Variants in TANC1 observed in about 807,000 individuals in gnomAD.
TANC1 encodes the protein tetratricopeptide repeat, ankyrin repeat and coiled-coil containing 1, also known as protein TANC1.
TANC1 carries 77 observed loss-of-function variants against 149.7 expected under a neutral mutation model. That is an observed-to-expected ratio of 0.51 (90% CI 0.43 to 0.62). The LOEUF is 0.62. Ranked by LOEUF, TANC1 falls within the 20% of genes least tolerant of loss-of-function variation. TANC1 has a pLI of 0.00. For missense variants in TANC1, 1,985 were observed against 2,321.8 expected (o/e 0.85, Z 2.98); for synonymous variants, 854 against 925.0 (o/e 0.92, Z 1.39).
intron 12 of TANC1, among the ~76,000 whole-genome samples, chr2:159,175,968 T>A (rs2055811747): frequency 6.6e-6 from 1 of 152,156 alleles, no homozygotes; most frequent in African/African-American, 2.4e-5. Context: ...CAGTTTCCCT[T>A]CCCTGGAATC....
In TANC1 at chr2:159,115,636, G is replaced by A. The variant is rs551661692; in HGVS notation, c.259+17802G>A. ...TGCCCCAGACTCTGCCCAACGGTCC[G>A]GAGAGCTGAGAGAATCCATATCCTG... On this transcript the variant is annotated intron_variant, in intron 4 of 26. Coordinates refer to ENST00000263635, the MANE Select transcript of TANC1 (RefSeq NM_033394.3). Among the ~76,000 whole-genome samples the A allele has an allele frequency of 4.1e-4, 62 of 152,206 alleles. 2 individuals carry two copies. The South Asian group carries it at 7.3e-3, about 18-fold the overall frequency.
Position 159,230,903 on chromosome 2 carries a change from T to G in TANC1, c.5477T>G (p.Leu1826Arg). The change falls in exon 27 of 27, where the codon CTG (leucine) becomes CGG (arginine). Residue 1826 changes from leucine to arginine, a missense_variant. Leu to Arg is a moderately radical substitution (Grantham distance 102, BLOSUM62 -2). This residue lies in a region of TANC1 where 920 missense variants were observed against 994.7 expected (regional missense o/e 0.92). Transcript: ENST00000263635. The surrounding 1 kb of genome is among the most constrained non-coding windows in gnomAD (Gnocchi z 4.4). ...ENRITKTVSHLYQESISKQQP... is the reference protein window; with the variant it reads ...ENRITKTVSHRYQESISKQQP... ...AGGATAACTAAGACTGTTTCTCATCTGTACCAGGAAAGTATCTCCAAACAG... is the reference window on the plus strand; with the variant it reads ...AGGATAACTAAGACTGTTTCTCATCGGTACCAGGAAAGTATCTCCAAACAG... 7 of 1,614,236 alleles carry G rather than the reference T, an allele frequency of 4.3e-6. No homozygotes were observed. The highest frequency in any genetic ancestry group is 5.9e-6 in the Non-Finnish European group (7 of 1,180,046).
At chr2:159,147,567 C>A (rs968851730) in intron 5 of TANC1, 4 of 152,424 alleles carry the variant, frequency 2.6e-5, no homozygotes, top group Admixed American at 2.0e-4. Flanking sequence ...TAGGAAGGGA[C>A]CTCCTGTAGA....
chr2:159,061,919 G>A (rs2042262466), intron 2 of TANC1, among the ~76,000 whole-genome samples: 1 of 152,160 alleles, frequency 6.6e-6, no homozygotes, highest in Non-Finnish European at 1.5e-5. Context: ...GTCAGTATTT[G>A]AGTTATACCT....
At chr2:159,061,144 A>T (rs899463258) in intron 2 of TANC1, among the ~76,000 whole-genome samples, 11 of 152,228 alleles carry the variant, frequency 7.2e-5, no homozygotes, top group African/African-American at 2.4e-4. Context: ...CTCTCAGAGT[A>T]ATGTTACCTA....
rs116199000 is a variant in TANC1 at position 159,144,985 on chromosome 2, C to T, written c.365-4157C>T. Reference sequence around the variant, plus strand: ...CACATGATAGTGAACTGACGAATGTCGTCAGCAATACTCAGTGTTCTTTAG... The same window carrying T: ...CACATGATAGTGAACTGACGAATGTTGTCAGCAATACTCAGTGTTCTTTAG... On this transcript the variant is annotated intron_variant, in intron 5 of 26. Transcript: ENST00000263635. Among the ~76,000 whole-genome samples the T allele has an allele frequency of 6.0e-3, 914 of 152,258 alleles. 5 individuals carry two copies. Among genetic ancestry groups the T allele is most frequent in the South Asian group, 0.013 (62 of 4,824 alleles).
At chr2:159,131,208 T>G (rs1385443547) in intron 4 of TANC1, among the ~76,000 whole-genome samples, 1 of 152,098 alleles carries the variant, frequency 6.6e-6, no homozygotes, top group African/African-American at 2.4e-5. Flanking sequence ...CTTAATCTAC[T>G]TTTTCCTTAG....
At chr2:159,030,640 T>A (rs943228322) in intron 2 of TANC1, among the ~76,000 whole-genome samples, 4 of 152,162 alleles carry the variant, frequency 2.6e-5, no homozygotes, top group African/African-American at 7.2e-5. Context: ...TTCAGTGGCT[T>A]CAGCATACTC....
chr2:159,159,250 A>G (rs1422808140), intron 7 of TANC1, among the ~76,000 whole-genome samples: 1 of 152,168 alleles, frequency 6.6e-6, no homozygotes, highest in East Asian at 1.9e-4. Context: ...GTTCAAGACC[A>G]GTGTGGGCAA....
At chr2:159,209,136 C>T (rs933697294) in intron 19 of TANC1, among the ~76,000 whole-genome samples, 1 of 152,188 alleles carries the variant, frequency 6.6e-6, no homozygotes, top group Non-Finnish European at 1.5e-5. Flanking sequence ...GCAGCAGCGC[C>T]CCAGCCTGCA....
At chr2:159,092,924 C>A (rs1249457535) in intron 3 of TANC1, among the ~76,000 whole-genome samples, 2 of 152,162 alleles carry the variant, frequency 1.3e-5, no homozygotes, top group Non-Finnish European at 2.9e-5. Flanking sequence ...ATGTTAGAGC[C>A]TGAGCTGACC....
At chr2:159,165,620 C>G (rs1397656191) in intron 8 of TANC1, among the ~76,000 whole-genome samples, 1 of 152,178 alleles carries the variant, frequency 6.6e-6, no homozygotes, top group Non-Finnish European at 1.5e-5. Flanking sequence ...CTCTATGCAG[C>G]ACTATTTAGT....
In TANC1 at chr2:159,178,846, G is replaced by T; in HGVS notation, c.2193G>T (p.Val731=). 6.2e-7 allele frequency: 1 copy of T among 1,614,172 alleles called. No homozygotes were observed. The highest frequency in any genetic ancestry group is 8.5e-7 in the Non-Finnish European group (1 of 1,180,038). The change falls in exon 14 of 27, where the codon GTG becomes GTT. Residue 731 remains valine (V), a synonymous_variant. Transcript: ENST00000263635. ...GTGCCAGCTACAAGGTGGTGCCCGTGTCTCTCTCTGAGCTCTATTTGCTTC... is the reference window on the plus strand; with the variant it reads ...GTGCCAGCTACAAGGTGGTGCCCGTTTCTCTCTCTGAGCTCTATTTGCTTC... ...IKSASYKVVP[V]SLSELYLLQC...
chr2:159,095,359 G>A (rs1423903144), intron 3 of TANC1, among the ~76,000 whole-genome samples: 3 of 152,154 alleles, frequency 2.0e-5, no homozygotes, highest in Non-Finnish European at 2.9e-5. Context: ...GGTAACCCAG[G>A]AGAGACTAAA....
At chr2:159,162,705 G>A (rs1304771394) in intron 7 of TANC1, among the ~76,000 whole-genome samples, 2 of 152,128 alleles carry the variant, frequency 1.3e-5, no homozygotes, top group Non-Finnish European at 2.9e-5. Context: ...TTTCCATTTC[G>A]TGTTGCTGAG....
intron 7 of TANC1, among the ~76,000 whole-genome samples, chr2:159,152,022 G>C (rs530557233): frequency 6.6e-6 from 1 of 152,150 alleles, no homozygotes; most frequent in Non-Finnish European, 1.5e-5. Context: ...CCCAGTCCTA[G>C]TCAACCAGTA....
rs926642986 is a variant in TANC1, at chr2:159,058,580, G to A, written c.-15-7316G>A. The stretch of plus-strand genomic sequence containing the variant: ...TCATCATATTAGAACAAGGCAGGAT[G>A]TAGAATTAGAGAAAACATATCTTTT... On this transcript the variant is annotated intron_variant, in intron 2 of 26. Coordinates refer to ENST00000263635, the MANE Select transcript of TANC1 (RefSeq NM_033394.3). Among the ~76,000 whole-genome samples, 13 of 152,280 alleles carry A rather than the reference G, an allele frequency of 8.5e-5. 1 individual carries two copies. Among genetic ancestry groups the A allele is most frequent in the Admixed American group, 6.5e-4 (10 of 15,304 alleles).
chr2:159,151,301 T>C (rs1187571244), intron 7 of TANC1, among the ~76,000 whole-genome samples: 1 of 152,226 alleles, frequency 6.6e-6, no homozygotes, highest in Non-Finnish European at 1.5e-5. Context: ...ACAGACTGCA[T>C]TTATGTTTCT....
chr2:159,091,131 T>C (rs1293118667), intron 3 of TANC1, among the ~76,000 whole-genome samples: 3 of 152,118 alleles, frequency 2.0e-5, no homozygotes, highest in Non-Finnish European at 2.9e-5. Context: ...AATGACATAA[T>C]GTTGAAAGCC....
Sources: gnomAD v4.1 joint callset for allele counts (sites outside exome capture counted in the v4.1 genomes callset) on GRCh38, gnomAD v4.1.1 for gene constraint, gnomAD v4.1.1 regional missense constraint, Gnocchi (gnomAD v3.1) non-coding constraint, MANE v1.5 for transcripts, NCBI Gene and HGNC (gene_info 2026-07-23, HGNC 2026-07-21) for gene names.